FAM228A: variants seen among roughly 807,000 people sequenced by gnomAD.
FAM228A encodes the protein protein FAM228A.
FAM228A carries 13 observed loss-of-function variants against 18.6 expected under a neutral mutation model. The observed-to-expected ratio is 0.70, with a 90% CI of 0.45 to 1.11. The LOEUF (loss-of-function observed/expected upper bound fraction) is 1.11. Ranked by LOEUF, FAM228A falls within the 50% of genes least tolerant of loss-of-function variation. The pLI is 0.00. For missense variants in FAM228A, 240 were observed against 242.2 expected, an observed-to-expected ratio of 0.99 and a Z score of 0.06; for synonymous variants, 77 against 86.6, an observed-to-expected ratio of 0.89 and a Z score of 0.61.
intron 2 of FAM228A, among the ~76,000 whole-genome samples, chr2:24,176,815 AT>A (rs1006085435): frequency 2.0e-5 from 3 of 152,324 alleles, no homozygotes; most frequent in African/African-American, 7.2e-5. Context: ...ATCAGCAATA[AT>A]TTTTAATGTA....
intron 2 of FAM228A, chr2:24,176,312 A>G (rs997845183): frequency 1.8e-6 from 1 of 556,768 alleles, no homozygotes; most frequent in African/African-American, 2.0e-5. Context: ...TACATGTTTA[A>G]TTGTTTTACA....
At chr2:24,175,671 G>T (rs1163086136) in intron 2 of FAM228A, 98 bp downstream of exon 2, 11 of 934,210 alleles carry the variant, frequency 1.2e-5, no homozygotes, top group Non-Finnish European at 1.9e-5. Flanking sequence ...TCAGGATTGT[G>T]ACAGTGCCTG....
At chr2:24,179,112 G>T in intron 3 of FAM228A, 1 of 1,028,180 alleles carries the variant, frequency 9.7e-7, no homozygotes, top group Non-Finnish European at 1.2e-6. Flanking sequence ...CTTCACTAGA[G>T]ATTGGATATG....
intron 2 of FAM228A, 50 bp downstream of exon 2, chr2:24,175,623 G>A: frequency 7.4e-7 from 1 of 1,348,352 alleles, no homozygotes; most frequent in Non-Finnish European, 1.1e-6. Flanking sequence ...GGGACCCCTC[G>A]AGTTTGGGAA....
At chr2:24,180,455 A>AGCTG (rs1350781612) in intron 3 of FAM228A, among the ~76,000 whole-genome samples, 1 of 152,126 alleles carries the variant, frequency 6.6e-6, no homozygotes, top group African/African-American at 2.4e-5. Flanking sequence ...AGAGTAGGTT[A>AGCTG]GCTGAAATAT....
intron 5 of FAM228A, among the ~76,000 whole-genome samples, chr2:24,184,183 T>C (rs954767749): frequency 6.6e-6 from 1 of 152,042 alleles, no homozygotes; most frequent in African/African-American, 2.4e-5. Context: ...AGTTTGAGAC[T>C]AGCCTGGCCA....
intron 5 of FAM228A, among the ~76,000 whole-genome samples, chr2:24,186,028 T>C (rs916033799): frequency 2.6e-5 from 4 of 152,192 alleles, no homozygotes; most frequent in South Asian, 2.1e-4. Flanking sequence ...GTACACAATA[T>C]TCTTTTTATT....
At chr2:24,178,180 A>G (rs937306842) in intron 3 of FAM228A, among the ~76,000 whole-genome samples, 1 of 152,204 alleles carries the variant, frequency 6.6e-6, no homozygotes, top group Admixed American at 6.5e-5. Context: ...CCTCTTTCTC[A>G]TATGTTCCCA....
chr2:24,175,728 G>A (rs1003691046), intron 2 of FAM228A, 155 bp downstream of exon 2: 4 of 760,172 alleles, frequency 5.3e-6, no homozygotes, highest in South Asian at 1.8e-5. Flanking sequence ...AGATTTGGCC[G>A]AGAGTGTGGC....
At position 24,175,519 on chromosome 2, in the gene FAM228A, C is replaced by T; in HGVS notation, c.39C>T (p.Phe13=). Residue 13 remains phenylalanine, a synonymous_variant, in exon 2 of 6, where the codon TTC becomes TTT. Transcript: ENST00000295150. ...AAACTGCGAGTTATGATGAACATTT[C>T]AGGCCAGAAAAGTTAAGAGAATGGC... ...ATKTASYDEH[F]RPEKLREWPE... is the part of the protein sequence containing the mutation. The T allele has an allele frequency of 6.2e-7, 1 of 1,614,218 alleles. No homozygotes were observed. The highest frequency in any genetic ancestry group is 8.5e-7 in the Non-Finnish European group (1 of 1,180,030).
chr2:24,175,898 G>T, intron 2 of FAM228A: 1 of 1,079,190 alleles, frequency 9.3e-7, no homozygotes, highest in Non-Finnish European at 1.1e-6. Context: ...TTCTCAAAAA[G>T]TTTCATTATT....
intron 5 of FAM228A, among the ~76,000 whole-genome samples, chr2:24,188,146 T>A (rs533325865): frequency 6.6e-6 from 1 of 152,334 alleles, no homozygotes; most frequent in South Asian, 2.1e-4. Context: ...TGTCTTTCCA[T>A]GTTTGGTTCC....
chr2:24,177,765 AG>A (rs1325749238), intron 2 of FAM228A, 36 bp from the exon 3 acceptor site: 1 of 1,217,840 alleles, frequency 8.2e-7, no homozygotes, highest in Non-Finnish European at 1.2e-6. Context: ...TTGTTTCTTC[AG>A]GATTCACATC....
At chr2:24,176,562 C>T (rs914136355) in intron 2 of FAM228A, among the ~76,000 whole-genome samples, 2 of 152,166 alleles carry the variant, frequency 1.3e-5, no homozygotes, top group African/African-American at 4.8e-5. Flanking sequence ...AGATCCTGTT[C>T]CTATTACAAA....
intron 3 of FAM228A, among the ~76,000 whole-genome samples, chr2:24,178,253 A>ATAGTCACTACGAAATTAGCTTAAGG (rs1456853702): frequency 4.6e-5 from 7 of 152,252 alleles, no homozygotes; most frequent in Non-Finnish European, 1.0e-4. Flanking sequence ...TCAGTAACTG[A>ATAGTCACTACGAAATTAGCTTAAGG]TAGTCACTAC....
intron 3 of FAM228A, among the ~76,000 whole-genome samples, chr2:24,178,445 A>G (rs4665255): frequency 0.84 from 127,289 of 151,812 alleles, 54,944 homozygotes; most frequent in Non-Finnish European, 0.93. Flanking sequence ...ATGGTGGCAC[A>G]CGCCTGTAGT....
intron 3 of FAM228A, 141 bp from the exon 4 acceptor site, chr2:24,183,144 G>A (rs2151044660): frequency 4.7e-6 from 3 of 639,480 alleles, no homozygotes; most frequent in Admixed American, 2.7e-5. Context: ...CGAATAGGTC[G>A]TTTTTCAACC....
chr2:24,190,782 T>G lies in FAM228A; in HGVS notation c.*151T>G. ...ACAGGGCCCCTCGGGCGGGGAAGCCTTGCATGAAGAAACTCAGACAAGTGG... is the reference window on the plus strand; with the variant it reads ...ACAGGGCCCCTCGGGCGGGGAAGCCGTGCATGAAGAAACTCAGACAAGTGG... On this transcript the variant is annotated 3_prime_UTR_variant, in exon 6 of 6. Transcript: ENST00000295150. 1 of 1,330,090 alleles carries G rather than the reference T, an allele frequency of 7.5e-7. No individual in the cohort carries two copies. The highest frequency in any genetic ancestry group is 1.5e-5 in the African/African-American group (1 of 67,384). The allele number at this position is 1,330,090 out of a possible 1,614,324, so 82.4% of individuals were successfully genotyped here.
At chr2:24,189,339 G>T (rs933081154) in intron 5 of FAM228A, among the ~76,000 whole-genome samples, 2 of 152,218 alleles carry the variant, frequency 1.3e-5, no homozygotes, top group Non-Finnish European at 2.9e-5. Flanking sequence ...ATAAAAGGAA[G>T]ATTGATTAAC....
Sources: gnomAD v4.1 joint callset for allele counts (sites outside exome capture counted in the v4.1 genomes callset) on GRCh38, gnomAD v4.1.1 for gene constraint, MANE v1.5 for transcripts, NCBI Gene and HGNC (gene_info 2026-07-23, HGNC 2026-07-21) for gene names.